The following TRMT2B variants were observed in gnomAD, a reference collection of about 807,000 sequenced individuals.
TRMT2B encodes the protein tRNA methyltransferase 2B.
A neutral mutation model predicts 39.7 loss-of-function variants in TRMT2B; 34 were observed. The observed-to-expected ratio is 0.86, with a 90% CI of 0.65 to 1.14. The LOEUF (loss-of-function observed/expected upper bound fraction) is 1.14, where lower values mean the gene tolerates loss of function less well. Among genes scored for constraint, TRMT2B ranks in the 50% most tolerant of loss-of-function variants. TRMT2B has a pLI of 0.00. For missense variants in TRMT2B, 318 were observed against 377.2 expected (o/e 0.84, Z 1.30); for synonymous variants, 132 against 137.3 (o/e 0.96, Z 0.27).
In TRMT2B at chrX:101,016,481, A is replaced by AGACAGGG. The variant is rs2086517986; in HGVS notation, c.1388+2489_1388+2490insCCCTGTC. 3.0e-5 allele frequency among the ~76,000 whole-genome samples: 3 copies of AGACAGGG among 100,664 alleles called. No individual in the cohort carries two copies. In the Admixed American group the frequency reaches 3.3e-4, roughly 11 times the overall value. 87.4% of individuals were successfully genotyped at this position (100,664 alleles called of 115,157 possible). A position where few individuals can be genotyped will look rare whatever the true frequency, so the allele number is the denominator to read the frequency against. On this transcript the variant is annotated intron_variant, in intron 13 of 13. Coordinates refer to ENST00000372936, the MANE Select transcript of TRMT2B (RefSeq NM_024917.6). ...GCACAAAACATCTTTTTAAATTTTG[A>AGACAGGG]TTTTTTTTTTTTTGAGACAGGGTCT... is the stretch of plus-strand genomic sequence containing the variant.
At position 101,021,942 on chromosome X, in the gene TRMT2B, AGCCTATT is replaced by A; in HGVS notation, c.851+19_851+25del. 3.6e-6 allele frequency: 4 copies of A among 1,108,387 alleles called. No individual in the cohort carries two copies. Among genetic ancestry groups the A allele is most frequent in the Non-Finnish European group, 5.0e-6 (4 of 801,137 alleles). The allele number at this position is 1,108,387 out of a possible 1,213,427, so 91.3% of individuals were successfully genotyped here. On this transcript the variant is annotated intron_variant, in intron 9 of 13. Transcript: ENST00000372936. ...TAAACCAAGAGTCTGGCAAGCCATC[AGCCTATT>A]TGGCTGTCCCAGGTTTACCTTTCCT...
the TRMT2B span, among the ~76,000 whole-genome samples, chrX:100,973,497 GGGC>G: frequency 1.8e-5 from 2 of 110,798 alleles, no homozygotes; most frequent in Non-Finnish European, 3.8e-5. Flanking sequence ...CCCGGCGGTC[GGGC>G]GGCGGCGGCT....
rs781438390 is a variant in TRMT2B, at chrX:101,010,409, C to CA, written c.*171dup. 3,677 of 477,620 alleles carry CA rather than the reference C, an allele frequency of 7.7e-3. No individual in the cohort carries two copies. The highest frequency in any genetic ancestry group is 0.013 in the Middle Eastern group (18 of 1,400). 39.4% of individuals were successfully genotyped at this position (477,620 alleles called of 1,213,427 possible). On this transcript the variant is annotated 3_prime_UTR_variant, in exon 14 of 14. Transcript: ENST00000372936. The stretch of plus-strand genomic sequence containing the variant: ...CCTGGGCAAGAGTGAGACTCTATCT[C>CA]AAAAAAAAAATCTGCCTCAGACCAG...
At chrX:100,976,344 G>T in the TRMT2B span, among the ~76,000 whole-genome samples, 2 of 110,945 alleles carry the variant, frequency 1.8e-5, no homozygotes, top group Non-Finnish European at 3.8e-5. Flanking sequence ...TTAATTCCTA[G>T]AGGACACTGC....
At chrX:101,022,610 G>T (rs1270472724) in intron 8 of TRMT2B, among the ~76,000 whole-genome samples, 6 of 100,565 alleles carry the variant, frequency 6.0e-5, no homozygotes, top group Admixed American at 2.3e-4. Flanking sequence ...GAAGAAGCGA[G>T]ACTCTGTCTC....
intron 2 of TRMT2B, among the ~76,000 whole-genome samples, chrX:101,046,783 A>G (rs927137999): frequency 1.8e-5 from 2 of 110,601 alleles, no homozygotes; most frequent in African/African-American, 6.6e-5. Flanking sequence ...AAAATTAGCC[A>G]GATGTGGTGG....
the TRMT2B span, among the ~76,000 whole-genome samples, chrX:101,003,748 C>T: frequency 1.8e-5 from 2 of 112,321 alleles, no homozygotes; most frequent in Admixed American, 1.9e-4. Context: ...AAGTGAGCAA[C>T]TGAAATAATG....
chrX:100,973,948 G>A, the TRMT2B span, among the ~76,000 whole-genome samples: 1 of 111,473 alleles, frequency 9.0e-6, no homozygotes, highest in African/African-American at 3.3e-5. Flanking sequence ...AGCATCCTTG[G>A]GGGCTTTGGT....
chrX:101,005,174 C>A (rs892021018), downstream of TRMT2B, among the ~76,000 whole-genome samples: 1 of 111,431 alleles, frequency 9.0e-6, no homozygotes, highest in South Asian at 3.8e-4. Flanking sequence ...GGGTGCATCA[C>A]TTGAGGTCAG....
At chrX:101,018,506 G>A (rs935484602) in intron 13 of TRMT2B, among the ~76,000 whole-genome samples, 9 of 106,492 alleles carry the variant, frequency 8.5e-5, no homozygotes, top group African/African-American at 2.4e-4. Flanking sequence ...GCAATGGCGC[G>A]ATCTTGGCTC....
intron 7 of TRMT2B, among the ~76,000 whole-genome samples, chrX:101,024,987 C>T (rs1410359000): frequency 7.5e-5 from 8 of 106,315 alleles, no homozygotes; most frequent in African/African-American, 2.1e-4. Context: ...ACCTGTGTCT[C>T]GGAAAAAAAA....
At chrX:101,013,321 A>G (rs2086350167) in intron 13 of TRMT2B, among the ~76,000 whole-genome samples, 1 of 111,757 alleles carries the variant, frequency 8.9e-6, no homozygotes, top group African/African-American at 3.2e-5. Context: ...TGAGTATTAG[A>G]AGGAGAGGGA....
At chrX:101,011,878 T>C (rs1194446702) in intron 13 of TRMT2B, among the ~76,000 whole-genome samples, 1 of 111,245 alleles carries the variant, frequency 9.0e-6, no homozygotes, top group Non-Finnish European at 1.9e-5. Context: ...TGGGACAGGA[T>C]CATCAATATC....
chrX:101,051,819 G>A lies in TRMT2B; in HGVS notation c.-509C>T. ...AACCAATAAATCCTCTTACAAACCT[G>A]AGGCGGCAAACTAAAAGGCCAGCGG... On this transcript the variant is annotated splice_region_variant and 5_prime_UTR_variant, in exon 1 of 14. Coordinates refer to ENST00000372936, the MANE Select transcript of TRMT2B (RefSeq NM_024917.6). 6 of 486,117 alleles carry A rather than the reference G, an allele frequency of 1.2e-5. No homozygotes were observed. The highest frequency in any genetic ancestry group is 1.5e-5 in the Non-Finnish European group (6 of 393,878). The allele number at this position is 486,117 out of a possible 1,213,427, so 40.1% of individuals were successfully genotyped here. A position where few individuals can be genotyped will look rare whatever the true frequency, so the allele number is the denominator to read the frequency against.
chrX:101,050,621 G>A (rs1251568701), intron 2 of TRMT2B, among the ~76,000 whole-genome samples: 2 of 111,851 alleles, frequency 1.8e-5, no homozygotes, highest in Admixed American at 1.9e-4. Context: ...CTACTCGGGA[G>A]GCTGAGGCAG....
intron 2 of TRMT2B, among the ~76,000 whole-genome samples, chrX:101,048,247 G>A (rs2088825211): frequency 9.0e-6 from 1 of 110,582 alleles, no homozygotes; most frequent in Admixed American, 9.8e-5. Context: ...ACACCATTTT[G>A]TATGATTACA....
rs745728043 is a variant in TRMT2B, at chrX:101,042,251, G to C, written c.39C>G (p.Leu13=). Reference sequence around the variant, plus strand: ...GACCCACCATGGAGATGAAGTATCTGAGGCTGTGCAGTGGGACTCTTCTCT... The same window carrying C: ...GACCCACCATGGAGATGAAGTATCTCAGGCTGTGCAGTGGGACTCTTCTCT... ...GLKRRVPLHS[L]RYFISMVGLF... The change falls in exon 3 of 14, where the codon CTC becomes CTG. Residue 13 remains leucine (L), a synonymous_variant. Coordinates refer to ENST00000372936, the MANE Select transcript of TRMT2B (RefSeq NM_024917.6). The C allele has an allele frequency of 5.0e-6, 6 of 1,210,513 alleles. No homozygotes were observed. Among genetic ancestry groups the C allele is most frequent in the Non-Finnish European group, 6.7e-6 (6 of 895,257 alleles).
At chrX:101,018,885 C>T (rs1168604150) in intron 13 of TRMT2B, 86 bp downstream of exon 13, 1 of 647,207 alleles carries the variant, frequency 1.5e-6, no homozygotes, top group African/African-American at 2.2e-5. Context: ...CTTGAAAGCT[C>T]AAATCACTTT....
the TRMT2B span, among the ~76,000 whole-genome samples, chrX:100,973,465 G>A: frequency 2.8e-5 from 3 of 108,657 alleles, no homozygotes; most frequent in African/African-American, 1.0e-4. Flanking sequence ...AGACAGCTCC[G>A]CTGCCCGCTG....
Sources: allele counts gnomAD v4.1 joint callset (sites outside exome capture counted in the v4.1 genomes callset), GRCh38; gene constraint gnomAD v4.1.1; transcripts MANE v1.5; gene names NCBI Gene and HGNC (gene_info 2026-07-23, HGNC 2026-07-21).